Variants in GLYCTK observed in about 807,000 individuals in gnomAD.
GLYCTK encodes HBeAg binding protein 4.
Under a neutral mutation model 24.8 loss-of-function variants are expected in GLYCTK, and 22 were observed. That is an observed-to-expected ratio of 0.89 (90% CI 0.63 to 1.27). GLYCTK has a LOEUF of 1.27. Ranked by LOEUF, GLYCTK falls within the 50% of genes most tolerant of loss-of-function variation. The pLI is 0.00. For missense variants in GLYCTK, 684 were observed against 686.7 expected, an observed-to-expected ratio of 1.00 and a Z score of 0.04; for synonymous variants, 320 against 297.2, an observed-to-expected ratio of 1.08 and a Z score of -0.79.
In GLYCTK at chr3:52,294,319, T is replaced by C. The variant is rs1363237002; in HGVS notation, c.*1193T>C. On this transcript the variant is annotated 3_prime_UTR_variant, in exon 5 of 5. Transcript: ENST00000436784. ...AGAACAGCGAGGCCTGGGGCTGCTC[T>C]TGCAGGCACTTCTTCCACCCCAACC... 1.9e-6 allele frequency: 1 copy of C among 534,572 alleles called. No individual in the cohort carries two copies. Among genetic ancestry groups the C allele is most frequent in the Non-Finnish European group, 3.8e-6 (1 of 260,072 alleles). The allele number at this position is 534,572 out of a possible 1,614,324, so 33.1% of individuals were successfully genotyped here.
Position 52,293,510 on chromosome 3 carries a change from C to A in GLYCTK, c.*384C>A. 1 of 471,332 alleles carries A rather than the reference C, an allele frequency of 2.1e-6. No homozygotes were observed. Among genetic ancestry groups the A allele is most frequent in the Middle Eastern group, 3.8e-4 (1 of 2,612 alleles). The allele number at this position is 471,332 out of a possible 1,614,324, so 29.2% of individuals were successfully genotyped here. The stretch of plus-strand genomic sequence containing the variant: ...CGCCTTCCCTCAGAGTGAGGCCTCA[C>A]GGGGGAGCCGCTGGGAGGGGAGCGT... On this transcript the variant is annotated 3_prime_UTR_variant, in exon 5 of 5. Coordinates refer to ENST00000436784, the MANE Select transcript of GLYCTK (RefSeq NM_145262.4).
At chr3:52,288,081 C>T (rs1356903000) in intron 1 of GLYCTK, 5 of 204,278 alleles carry the variant, frequency 2.4e-5, no homozygotes, top group African/African-American at 4.7e-5. Flanking sequence ...TACCAGCCTT[C>T]TTTGATGGCG....
rs1490054353 is a variant in GLYCTK, at chr3:52,293,680, A to G, written c.*554A>G. The G allele has an allele frequency of 2.2e-6, 1 of 454,054 alleles. No individual in the cohort carries two copies. Among genetic ancestry groups the G allele is most frequent in the African/African-American group, 2.0e-5 (1 of 49,972 alleles). 28.1% of individuals were successfully genotyped at this position (454,054 alleles called of 1,614,324 possible). On this transcript the variant is annotated 3_prime_UTR_variant, in exon 5 of 5. Coordinates refer to ENST00000436784, the MANE Select transcript of GLYCTK (RefSeq NM_145262.4). ...GTGAGGGTTGAGCTTGGCTCCTGAC[A>G]GCTTTGATGTGCGTGAGCAGAGACC...
In GLYCTK at chr3:52,292,254, C is replaced by T; in HGVS notation, c.706-6C>T. 1 of 1,613,764 alleles carries T rather than the reference C, an allele frequency of 6.2e-7. No homozygotes were observed. The highest frequency in any genetic ancestry group is 8.5e-7 in the Non-Finnish European group (1 of 1,179,920). Reference sequence around the variant, plus strand: ...GCCTGAGCCTTGTCTGGTGGCCCTTCCCCAGGTGGTGAGCCTCATCCTGTC... The same window carrying T: ...GCCTGAGCCTTGTCTGGTGGCCCTTTCCCAGGTGGTGAGCCTCATCCTGTC... On this transcript the variant is annotated splice_polypyrimidine_tract_variant and splice_region_variant and intron_variant, in intron 4 of 4. Transcript: ENST00000436784.
At chr3:52,292,024 T>C (rs1198830208) in intron 4 of GLYCTK, 102 bp downstream of exon 4, 11 of 1,305,022 alleles carry the variant, frequency 8.4e-6, no homozygotes, top group Non-Finnish European at 1.2e-5. Context: ...GGCAGGGGCA[T>C]GGTGTGAAAG....
Position 52,292,874 on chromosome 3 carries a change from G to T in GLYCTK, c.1320G>T (p.Gly440=), listed in dbSNP as rs1384259316. Residue 440 remains glycine (G), a synonymous_variant, in exon 5 of 5, where the codon GGG becomes GGT. Transcript: ENST00000436784. ...VGAELRRWPL[G]PIDVLFLSGG... ...CAGAGTTGAGAAGGTGGCCGCTGGG[G>T]CCGATAGATGTGCTGTTTTTGAGCG... 5 of 1,613,902 alleles carry T rather than the reference G, an allele frequency of 3.1e-6. No individual in the cohort carries two copies. Among genetic ancestry groups the T allele is most frequent in the Non-Finnish European group, 4.2e-6 (5 of 1,179,998 alleles).
chr3:52,291,161 A>ATCTC, intron 3 of GLYCTK, 50 bp downstream of exon 3: 1 of 1,592,620 alleles, frequency 6.3e-7, no homozygotes, highest in South Asian at 1.1e-5. Context: ...GCACCACCTG[A>ATCTC]TCTCTCAGGT....
Position 52,291,883 on chromosome 3 carries a change from C to A in GLYCTK, c.666C>A (p.Leu222=), listed in dbSNP as rs752153925. The part of the protein sequence containing the change: ...LNTIRKALSQ[L]KGGGLAQAAY... ...CCATTCGGAAGGCCCTGTCCCAGCTCAAGGGTGGGGGGCTGGCTCAGGCCG... is the reference window on the plus strand; with the variant it reads ...CCATTCGGAAGGCCCTGTCCCAGCTAAAGGGTGGGGGGCTGGCTCAGGCCG... The change falls in exon 4 of 5, where the codon CTC becomes CTA. Residue 222 remains leucine, a synonymous_variant. Transcript: ENST00000436784. 6.2e-7 allele frequency: 1 copy of A among 1,613,716 alleles called. No individual in the cohort carries two copies. Among genetic ancestry groups the A allele is most frequent in the Non-Finnish European group, 8.5e-7 (1 of 1,179,980 alleles).
Position 52,292,320 on chromosome 3 carries a change from C to T in GLYCTK, c.766C>T (p.Pro256Ser). ...GDPVEVIASG[P>S]TVASSHNVQD... Reference sequence around the variant, plus strand: ...CCCTGTGGAGGTGATTGCCAGTGGCCCCACCGTGGCCAGTTCCCACAATGT... The same window carrying T: ...CCCTGTGGAGGTGATTGCCAGTGGCTCCACCGTGGCCAGTTCCCACAATGT... The change falls in exon 5 of 5, where the codon CCC becomes TCC. Residue 256 changes from proline to serine, a missense_variant. Pro to Ser is a moderately conservative substitution (Grantham distance 74, BLOSUM62 -1). Coordinates refer to ENST00000436784, the MANE Select transcript of GLYCTK (RefSeq NM_145262.4). The T allele has an allele frequency of 1.2e-6, 2 of 1,613,888 alleles. No homozygotes were observed. The highest frequency in any genetic ancestry group is 1.7e-6 in the Non-Finnish European group (2 of 1,179,946).
Position 52,293,055 on chromosome 3 carries a change from C to CACAGGGATGACAGGT in GLYCTK, c.1503_1504insAGGGATGACAGGTAC (p.His501_Leu502insArgAspAspArgTyr). ...CTTCTGCTGCCTCCAGGGTGGGGCACACCTGCTGCACACAGGGATGACAGG... is the reference window on the plus strand; with the variant it reads ...CTTCTGCTGCCTCCAGGGTGGGGCACACAGGGATGACAGGTACCTGCTGCACACAGGGATGACAGG... On this transcript the variant is annotated inframe_insertion, in exon 5 of 5. Coordinates refer to ENST00000436784, the MANE Select transcript of GLYCTK (RefSeq NM_145262.4). 6.2e-7 allele frequency: 1 copy of CACAGGGATGACAGGT among 1,614,110 alleles called. No homozygotes were observed. Among genetic ancestry groups the CACAGGGATGACAGGT allele is most frequent in the Non-Finnish European group, 8.5e-7 (1 of 1,180,024 alleles).
Position 52,292,778 on chromosome 3 carries a change from C to T in GLYCTK, c.1224C>T (p.Gly408=), listed in dbSNP as rs1301047423. The change falls in exon 5 of 5, where the codon GGC becomes GGT. Residue 408 remains glycine, a synonymous_variant. Coordinates refer to ENST00000436784, the MANE Select transcript of GLYCTK (RefSeq NM_145262.4). ...GRGPVCLLAG[G]EPTVQLQGSG... ...GCCCAGTCTGCCTGCTGGCTGGTGGCGAGCCCACAGTACAGCTGCAGGGCT... is the reference window on the plus strand; with the variant it reads ...GCCCAGTCTGCCTGCTGGCTGGTGGTGAGCCCACAGTACAGCTGCAGGGCT... 7 of 1,606,298 alleles carry T rather than the reference C, an allele frequency of 4.4e-6. No homozygotes were observed. The highest frequency in any genetic ancestry group is 4.3e-6 in the Non-Finnish European group (5 of 1,175,772).
Position 52,290,804 on chromosome 3 carries a change from C to T in GLYCTK, c.377+85C>T, listed in dbSNP as rs1700441883. The T allele has an allele frequency of 2.5e-6, 4 of 1,583,076 alleles. No individual in the cohort carries two copies. The East Asian group carries it at 6.8e-5, about 27-fold the overall frequency. On this transcript the variant is annotated intron_variant, in intron 2 of 4. Coordinates refer to ENST00000436784, the MANE Select transcript of GLYCTK (RefSeq NM_145262.4). ...CACAGGCTGAATCGGGCCTCCCCTC[C>T]CCACCCGCTTCCCATTTCTCCTGGA...
rs189538477 is a variant in GLYCTK, at chr3:52,291,906, C to T, written c.689C>T (p.Ala230Val). 4.3e-5 allele frequency: 70 copies of T among 1,613,006 alleles called. No individual in the cohort carries two copies. The Admixed American group carries it at 1.1e-3, about 26-fold the overall frequency. ...SQLKGGGLAQ[A>V]AYPAQVVSLI... ...CTCAAGGGTGGGGGGCTGGCTCAGG[C>T]CGCCTACCCTGCCCAGGTATGAGTC... Residue 230 changes from alanine (A) to valine (V), a missense_variant, in exon 4 of 5, where the codon GCC becomes GTC. Transcript: ENST00000436784.
chr3:52,290,055 G>A, intron 1 of GLYCTK: 2 of 505,040 alleles, frequency 4.0e-6, no homozygotes, highest in Non-Finnish European at 7.0e-6. Context: ...TGGACTTGAG[G>A]CAGAGTATCC....
At chr3:52,292,090 T>G (rs1578029054) in intron 4 of GLYCTK, among the ~76,000 whole-genome samples, 168 bp downstream of exon 4, 1 of 151,686 alleles carries the variant, frequency 6.6e-6, no homozygotes, top group Non-Finnish European at 1.5e-5. Context: ...GGGGAGGAGG[T>G]GCCTGCATGA....
chr3:52,288,651 C>G (rs1700364409), intron 1 of GLYCTK: 1 of 152,178 alleles, frequency 6.6e-6, no homozygotes, highest in Admixed American at 6.5e-5. Flanking sequence ...CTCTGGCAGC[C>G]TTAGCATTGA....
Position 52,294,453 on chromosome 3 carries a change from G to A in GLYCTK, c.*1327G>A. 7.0e-6 allele frequency: 3 copies of A among 428,040 alleles called. No individual in the cohort carries two copies. Among genetic ancestry groups the A allele is most frequent in the South Asian group, 3.4e-5 (2 of 59,424 alleles). 26.5% of individuals were successfully genotyped at this position (428,040 alleles called of 1,614,324 possible). On this transcript the variant is annotated 3_prime_UTR_variant, in exon 5 of 5. Coordinates refer to ENST00000436784, the MANE Select transcript of GLYCTK (RefSeq NM_145262.4). ...TGGGCTCTGGGCAGCCTAGCTTGCA[G>A]ACAGTTCATGACCTGGGGGCCTGGC...
At position 52,293,330 on chromosome 3, in the gene GLYCTK, C is replaced by G. The variant is rs934273983; in HGVS notation, c.*204C>G. The stretch of plus-strand genomic sequence containing the variant: ...AGCCAGACTGGCAGATGGGGGCTTC[C>G]CCCTACCCCTGAGGATGAGGACAAG... On this transcript the variant is annotated 3_prime_UTR_variant, in exon 5 of 5. Transcript: ENST00000436784. 1.4e-6 allele frequency: 1 copy of G among 709,532 alleles called. No homozygotes were observed. Among genetic ancestry groups the G allele is most frequent in the Non-Finnish European group, 2.5e-6 (1 of 392,998 alleles). 44.0% of individuals were successfully genotyped at this position (709,532 alleles called of 1,614,324 possible).
chr3:52,293,202 CAG>C lies in GLYCTK; in HGVS notation c.*77_*78del, dbSNP rs776183482. 4.0e-4 allele frequency: 606 copies of C among 1,501,060 alleles called. No homozygotes were observed. The highest frequency in any genetic ancestry group is 5.3e-4 in the Non-Finnish European group (578 of 1,089,656). The allele number at this position is 1,501,060 out of a possible 1,614,324, so 93.0% of individuals were successfully genotyped here. A position where few individuals can be genotyped will look rare whatever the true frequency, so the allele number is the denominator to read the frequency against. On this transcript the variant is annotated 3_prime_UTR_variant, in exon 5 of 5. Coordinates refer to ENST00000436784, the MANE Select transcript of GLYCTK (RefSeq NM_145262.4). ...CAGATGGCAGAGCAAGGTTGGTCCTCAGGGCCTCTCTAAGCCTTAGGGCCCCT... is the reference window on the plus strand; with the variant it reads ...CAGATGGCAGAGCAAGGTTGGTCCTCGGCCTCTCTAAGCCTTAGGGCCCCT...
Sources: gnomAD v4.1 joint callset for allele counts (sites outside exome capture counted in the v4.1 genomes callset) on GRCh38, gnomAD v4.1.1 for gene constraint, MANE v1.5 for transcripts, NCBI Gene and HGNC (gene_info 2026-07-23, HGNC 2026-07-21) for gene names.